RFX4: variants seen among roughly 807,000 people sequenced by gnomAD.
RFX4 encodes regulatory factor X4, also known as transcription factor RFX4.
Under a neutral mutation model 95.0 loss-of-function variants are expected in RFX4, and 10 were observed. That is an observed-to-expected ratio of 0.11 (90% CI 0.06 to 0.18). RFX4 has a LOEUF of 0.18. Among genes scored for constraint, RFX4 ranks in the 10% least tolerant of loss-of-function variants. The probability of loss-of-function intolerance (pLI) is 1.00; values close to 1 mark genes in which losing one functional copy is unlikely to be tolerated. For synonymous variants in RFX4, 321 were observed against 340.7 expected (o/e 0.94, Z 0.64); for missense variants, 640 against 922.0 (o/e 0.69, Z 3.96).
intron 2 of RFX4, among the ~76,000 whole-genome samples, chr12:106,621,292 G>A (rs1429726380): frequency 2.6e-5 from 4 of 152,228 alleles, no homozygotes; most frequent in South Asian, 4.1e-4. Context: ...TCCTCTGTTC[G>A]GGGTCCCTGA....
At chr12:106,742,474 C>T (rs570129388) in intron 15 of RFX4, among the ~76,000 whole-genome samples, 203 of 152,252 alleles carry the variant, frequency 1.3e-3, no homozygotes, top group Non-Finnish European at 1.6e-3. Flanking sequence ...TGCGACACTG[C>T]GCCTCGCCAG....
rs116212772 is a variant in RFX4, at chr12:106,677,355, T to C, written c.316-4638T>C. Among the ~76,000 whole-genome samples, 297 of 151,996 alleles carry C rather than the reference T, an allele frequency of 2.0e-3. 3 individuals carry two copies. The highest frequency in any genetic ancestry group is 6.8e-3 in the African/African-American group (281 of 41,458). On this transcript the variant is annotated intron_variant, in intron 4 of 17. Transcript: ENST00000392842. ...ATTCCAGGCACAGGGAACAGCACTG[T>C]GGATGTGGGAGCAACATAAGCCTGG...
chr12:106,614,465 C>T (rs989060915), intron 2 of RFX4, among the ~76,000 whole-genome samples: 1 of 139,592 alleles, frequency 7.2e-6, no homozygotes, highest in Non-Finnish European at 1.5e-5. Flanking sequence ...GGCCCTTCTT[C>T]ACGTCTTTTG....
chr12:106,674,110 A>C (rs1451716448), intron 4 of RFX4, among the ~76,000 whole-genome samples: 1 of 152,138 alleles, frequency 6.6e-6, no homozygotes, highest in Non-Finnish European at 1.5e-5. Flanking sequence ...TCCCTCGCCC[A>C]CTGGCTCTGC....
chr12:106,651,135 T>A (rs1324882610), intron 3 of RFX4, among the ~76,000 whole-genome samples: 1 of 152,086 alleles, frequency 6.6e-6, no homozygotes, highest in Non-Finnish European at 1.5e-5. Context: ...ACCCTTTCCT[T>A]CTCTCTTTAC....
intron 2 of RFX4, among the ~76,000 whole-genome samples, chr12:106,629,152 A>G (rs977638064): frequency 6.6e-6 from 1 of 152,198 alleles, no homozygotes; most frequent in Non-Finnish European, 1.5e-5. Flanking sequence ...AGAATGTTCC[A>G]TATCAGTAAG....
At chr12:106,585,897 C>CCA (rs1565940278) in intron 1 of RFX4, 4 of 152,218 alleles carry the variant, frequency 2.6e-5, no homozygotes. Context: ...TTTGCAGGGG[C>CCA]CAGGGCTCTA....
At chr12:106,590,019 C>T (rs1270929739) in intron 1 of RFX4, among the ~76,000 whole-genome samples, 1 of 152,190 alleles carries the variant, frequency 6.6e-6, no homozygotes, top group African/African-American at 2.4e-5. Flanking sequence ...TCTTTGCTTC[C>T]CTAGAGCATA....
intron 13 of RFX4, among the ~76,000 whole-genome samples, chr12:106,724,876 G>T (rs2042461859): frequency 6.6e-6 from 1 of 152,036 alleles, no homozygotes; most frequent in Non-Finnish European, 1.5e-5. Flanking sequence ...GCCGGGTGTG[G>T]TGGCGGGTGC....
In RFX4 at chr12:106,688,131, G is replaced by T. The variant is rs191945381; in HGVS notation, c.591+1034G>T. Among the ~76,000 whole-genome samples the T allele has an allele frequency of 1.9e-3, 282 of 145,498 alleles. 4 individuals are homozygous for T. The highest frequency in any genetic ancestry group is 6.8e-3 in the African/African-American group (268 of 39,176). ...GTCATCCAGCCTAGAGTGCAGTGGC[G>T]CAATCTCAGCTCACTGCAACCTCCG... On this transcript the variant is annotated intron_variant, in intron 6 of 17. Transcript: ENST00000392842.
intron 15 of RFX4, chr12:106,733,296 G>T: frequency 2.0e-6 from 1 of 491,816 alleles, no homozygotes; most frequent in Non-Finnish European, 3.6e-6. Flanking sequence ...TCTAGCCTTA[G>T]TGATACAGTG....
At chr12:106,738,404 A>C (rs939733298) in intron 15 of RFX4, among the ~76,000 whole-genome samples, 1 of 152,204 alleles carries the variant, frequency 6.6e-6, no homozygotes, top group Non-Finnish European at 1.5e-5. Context: ...CATAGTTCTC[A>C]TCCAGCTAGT....
At chr12:106,702,761 C>A (rs2042015370) in intron 8 of RFX4, among the ~76,000 whole-genome samples, 1 of 152,208 alleles carries the variant, frequency 6.6e-6, no homozygotes. Flanking sequence ...CGGGTCTTCC[C>A]TATTCCCTGG....
At chr12:106,645,498 G>A (rs1052709679) in intron 3 of RFX4, among the ~76,000 whole-genome samples, 3 of 152,008 alleles carry the variant, frequency 2.0e-5, no homozygotes, top group Non-Finnish European at 4.4e-5. Flanking sequence ...GTCACTTTCG[G>A]GGGGGATTGG....
intron 7 of RFX4, among the ~76,000 whole-genome samples, chr12:106,691,213 T>C (rs1413307030): frequency 6.6e-6 from 1 of 152,236 alleles, no homozygotes; most frequent in African/African-American, 2.4e-5. Context: ...TCCCCATCTA[T>C]TTAATTCATA....
intron 1 of RFX4, among the ~76,000 whole-genome samples, chr12:106,584,533 G>A (rs12318346): frequency 0.17 from 26,204 of 152,142 alleles, 2,644 homozygotes; most frequent in African/African-American, 0.29. Flanking sequence ...GCCGTCCCCT[G>A]AGCATGCACG....
intron 2 of RFX4, among the ~76,000 whole-genome samples, chr12:106,619,989 T>C (rs777554762): frequency 1.3e-5 from 2 of 152,220 alleles, no homozygotes; most frequent in Non-Finnish European, 2.9e-5. Context: ...GTTTTGTCCA[T>C]TTCCTCTAAT....
At chr12:106,663,595 G>C (rs553574834) in intron 4 of RFX4, among the ~76,000 whole-genome samples, 1 of 151,998 alleles carries the variant, frequency 6.6e-6, no homozygotes, top group South Asian at 2.1e-4. Flanking sequence ...ATGTTGAAAA[G>C]GAGTGGTGAG....
At chr12:106,661,753 T>G (rs1319775725) in intron 4 of RFX4, among the ~76,000 whole-genome samples, 1 of 152,216 alleles carries the variant, frequency 6.6e-6, no homozygotes, top group Non-Finnish European at 1.5e-5. Flanking sequence ...TGGTAACTAC[T>G]GATCTTTTTA....
Sources: allele counts gnomAD v4.1 joint callset (sites outside exome capture counted in the v4.1 genomes callset), GRCh38; gene constraint gnomAD v4.1.1; transcripts MANE v1.5; gene names NCBI Gene and HGNC (gene_info 2026-07-23, HGNC 2026-07-21).